PCCA: variants seen among roughly 807,000 people sequenced by gnomAD.
PCCA encodes the protein propionyl-CoA carboxylase subunit alpha.
A neutral mutation model predicts 101.3 loss-of-function variants in PCCA; 74 were observed. The ratio of observed to expected loss-of-function variants is 0.73; its 90% CI spans 0.61 to 0.89. The LOEUF (loss-of-function observed/expected upper bound fraction) is 0.89. PCCA is among the 40% of genes least tolerant of loss of function. The probability of loss-of-function intolerance (pLI) is 0.00; values close to 1 mark genes in which losing one functional copy is unlikely to be tolerated. For synonymous variants in PCCA, 294 were observed against 313.6 expected (o/e 0.94, Z 0.66); for missense variants, 891 against 907.0 (o/e 0.98, Z 0.23).
intron 6 of PCCA, among the ~76,000 whole-genome samples, chr13:100,182,098 C>CTTTTTTTTTT (rs558498604): frequency 5.7e-5 from 6 of 105,466 alleles, no homozygotes; most frequent in Non-Finnish European, 7.7e-5. Flanking sequence ...TTTTCTTTTT[C>CTTTTTTTTTT]TTTTTTTTTT....
chr13:100,273,197 A>T lies in PCCA; in HGVS notation c.916A>T (p.Ile306Phe). Reference sequence around the variant, plus strand: ...ACAAACATTTTTTTGTATATGTAGCATTTTTTTGGATGCGGAGACTCGAAG... The same window carrying T: ...ACAAACATTTTTTTGTATATGTAGCTTTTTTTTGGATGCGGAGACTCGAAG... ...NQKVVEEAPS[I>F]FLDAETRRAM... Residue 306 changes from isoleucine to phenylalanine, a missense_variant and splice_region_variant, in exon 12 of 24, where the codon ATT becomes TTT. Transcript: ENST00000376285. 6.2e-7 allele frequency: 1 copy of T among 1,612,220 alleles called. No individual in the cohort carries two copies.
At chr13:100,442,822 C>T (rs572211026) in intron 20 of PCCA, among the ~76,000 whole-genome samples, 61 of 152,176 alleles carry the variant, frequency 4.0e-4, no homozygotes, top group South Asian at 2.3e-3. Flanking sequence ...CTGAGACCTA[C>T]GAAGAGGAGG....
chr13:100,150,926 T>C, intron 4 of PCCA: 1 of 1,543,282 alleles, frequency 6.5e-7, no homozygotes, highest in South Asian at 1.1e-5. Context: ...AACGTAACCT[T>C]GCTTGGCCTC....
At chr13:100,215,975 A>G (rs951598721) in intron 7 of PCCA, among the ~76,000 whole-genome samples, 1 of 152,020 alleles carries the variant, frequency 6.6e-6, no homozygotes, top group Non-Finnish European at 1.5e-5. Flanking sequence ...GATTACTTAT[A>G]ATACCCTAAA....
In PCCA at chr13:100,111,980, TA is replaced by T; in HGVS notation, c.232-12del. ...GAATCACTATTAATAGACATTAATA[TA>T]TTTTAAAATAGGTTATTAGAACTTG... On this transcript the variant is annotated splice_polypyrimidine_tract_variant and intron_variant, in intron 3 of 23. Coordinates refer to ENST00000376285, the MANE Select transcript of PCCA (RefSeq NM_000282.4). 1 of 1,587,518 alleles carries T rather than the reference TA, an allele frequency of 6.3e-7. No homozygotes were observed. The highest frequency in any genetic ancestry group is 8.6e-7 in the Non-Finnish European group (1 of 1,157,256).
At chr13:100,142,876 T>G (rs945551466) in intron 4 of PCCA, among the ~76,000 whole-genome samples, 10 of 152,360 alleles carry the variant, frequency 6.6e-5, no homozygotes, top group Non-Finnish European at 1.3e-4. Flanking sequence ...GAGGTTCAGC[T>G]GGTGGCCCAG....
chr13:100,430,423 A>G (rs2079465878), intron 20 of PCCA, among the ~76,000 whole-genome samples: 1 of 152,134 alleles, frequency 6.6e-6, no homozygotes, highest in East Asian at 1.9e-4. Context: ...TTATGAATAC[A>G]CCAACACTGT....
Position 100,357,011 on chromosome 13 carries a change from G to A in PCCA, c.1644-11461G>A, listed in dbSNP as rs532482773. 2.6e-5 allele frequency among the ~76,000 whole-genome samples: 4 copies of A among 152,182 alleles called. No homozygotes were observed. The South Asian group carries it at 6.2e-4, about 24-fold the overall frequency. On this transcript the variant is annotated intron_variant, in intron 18 of 23. Coordinates refer to ENST00000376285, the MANE Select transcript of PCCA (RefSeq NM_000282.4). ...CAGAATAAGCAAAGCTATAGAAATC[G>A]AAAGTACATAACAGTTGCTTAGGGC...
chr13:100,456,274 T>A (rs976592623), intron 21 of PCCA, among the ~76,000 whole-genome samples: 2 of 152,228 alleles, frequency 1.3e-5, no homozygotes, highest in African/African-American at 4.8e-5. Flanking sequence ...CAAAAATACA[T>A]GAATTTAGTA....
chr13:100,481,553 G>A (rs907569377), intron 21 of PCCA, among the ~76,000 whole-genome samples: 2 of 152,024 alleles, frequency 1.3e-5, no homozygotes, highest in African/African-American at 2.4e-5. Flanking sequence ...GCCAGCCTCT[G>A]TCTCAAAAAT....
intron 21 of PCCA, among the ~76,000 whole-genome samples, chr13:100,470,997 C>G (rs968265278): frequency 3.3e-5 from 5 of 152,222 alleles, no homozygotes; most frequent in African/African-American, 1.2e-4. Context: ...AGTAACTGCA[C>G]AAGAGACCTA....
chr13:100,196,468 G>C (rs2058109703), intron 6 of PCCA, among the ~76,000 whole-genome samples: 1 of 152,084 alleles, frequency 6.6e-6, no homozygotes, highest in South Asian at 2.1e-4. Context: ...TTACAGTGGG[G>C]AAAGTTACCA....
chr13:100,446,864 A>G (rs1249757286), intron 20 of PCCA, among the ~76,000 whole-genome samples: 1 of 152,176 alleles, frequency 6.6e-6, no homozygotes, highest in South Asian at 2.1e-4. Flanking sequence ...TATTCTGAAC[A>G]TATTGTTTTG....
At chr13:100,151,830 T>C (rs1356614600) in intron 4 of PCCA, among the ~76,000 whole-genome samples, 1 of 152,216 alleles carries the variant, frequency 6.6e-6, no homozygotes, top group Non-Finnish European at 1.5e-5. Flanking sequence ...TCCATGGTTG[T>C]TATGTATTTC....
chr13:100,378,018 G>A (rs1012616259), intron 19 of PCCA, among the ~76,000 whole-genome samples: 1 of 152,040 alleles, frequency 6.6e-6, no homozygotes, highest in East Asian at 1.9e-4. Flanking sequence ...CTTACCAGTA[G>A]GTTTTATACT....
chr13:100,444,230 C>A (rs564264762), intron 20 of PCCA, among the ~76,000 whole-genome samples: 8 of 142,528 alleles, frequency 5.6e-5, no homozygotes, highest in African/African-American at 1.6e-4. Context: ...GAGACGGTGT[C>A]TCGCTCTGTC....
intron 6 of PCCA, among the ~76,000 whole-genome samples, chr13:100,180,288 A>G (rs1003762190): frequency 6.6e-6 from 1 of 152,194 alleles, no homozygotes; most frequent in Non-Finnish European, 1.5e-5. Flanking sequence ...TTGGGCATCC[A>G]CCTGTAGACG....
At chr13:100,488,648 T>TTTTTTTTTTTTTTTTTTG (rs2084621471) in intron 21 of PCCA, among the ~76,000 whole-genome samples, 1 of 148,700 alleles carries the variant, frequency 6.7e-6, no homozygotes, top group African/African-American at 2.5e-5. Flanking sequence ...TTTTTTGTTT[T>TTTTTTTTTTTTTTTTTTG]TTTTTTTTAA....
At chr13:100,245,787 G>C (rs2061394401) in intron 8 of PCCA, among the ~76,000 whole-genome samples, 1 of 152,104 alleles carries the variant, frequency 6.6e-6, no homozygotes, top group South Asian at 2.1e-4. Context: ...CTTTGTTTAA[G>C]GTAGTGTCAT....
Sources: allele counts gnomAD v4.1 joint callset (sites outside exome capture counted in the v4.1 genomes callset), GRCh38; gene constraint gnomAD v4.1.1; transcripts MANE v1.5; gene names NCBI Gene and HGNC (gene_info 2026-07-23, HGNC 2026-07-21).